The following FRMD3 variants were observed in gnomAD, a reference collection of about 807,000 sequenced individuals.
FRMD3 encodes FERM domain containing 3, also known as FERM domain-containing protein 3.
Under a neutral mutation model 70.2 loss-of-function variants are expected in FRMD3, and 33 were observed. The observed-to-expected ratio is 0.47, with a 90% CI of 0.36 to 0.63. The LOEUF (loss-of-function observed/expected upper bound fraction) is 0.63. FRMD3 is among the 20% of genes least tolerant of loss of function. The pLI is 0.00. For synonymous variants in FRMD3, 279 were observed against 255.9 expected, an observed-to-expected ratio of 1.09 and a Z score of -0.86; for missense variants, 632 against 711.4, an observed-to-expected ratio of 0.89 and a Z score of 1.27.
At chr9:83,343,568 G>A (rs1181382768) in intron 4 of FRMD3, among the ~76,000 whole-genome samples, 1 of 152,126 alleles carries the variant, frequency 6.6e-6, no homozygotes, top group Non-Finnish European at 1.5e-5. Context: ...AAAGCCACAG[G>A]ACCCAGTGGC....
At chr9:83,336,523 A>G (rs190126217) in intron 5 of FRMD3, among the ~76,000 whole-genome samples, 273 of 151,088 alleles carry the variant, frequency 1.8e-3, no homozygotes, top group African/African-American at 6.5e-3. Flanking sequence ...TGGCTTATTC[A>G]TTGAAAAATC....
chr9:83,527,612 G>A (rs997191202), intron 1 of FRMD3, among the ~76,000 whole-genome samples: 10 of 152,122 alleles, frequency 6.6e-5, no homozygotes, highest in Admixed American at 2.0e-4. Context: ...ACCTGGAAGC[G>A]TGCTAAGAAT....
chr9:83,381,379 A>G (rs1380893824), intron 2 of FRMD3, among the ~76,000 whole-genome samples: 1 of 152,018 alleles, frequency 6.6e-6, no homozygotes, highest in Admixed American at 6.6e-5. Context: ...ACAGGGTGAA[A>G]CCCTGTCTCT....
At chr9:83,290,820 TACAG>T in intron 12 of FRMD3, 93 bp from the exon 13 acceptor site, 12 of 1,325,788 alleles carry the variant, frequency 9.1e-6, no homozygotes, top group Non-Finnish European at 1.2e-5. Flanking sequence ...ATTTTGTGTC[TACAG>T]GGAACTACCT....
intron 4 of FRMD3, among the ~76,000 whole-genome samples, chr9:83,345,051 G>C (rs191194462): frequency 6.6e-6 from 1 of 152,148 alleles, no homozygotes; most frequent in African/African-American, 2.4e-5. Context: ...GAGCACTGGA[G>C]CTCACTGTTT....
intron 3 of FRMD3, among the ~76,000 whole-genome samples, chr9:83,364,329 C>G (rs998854519): frequency 1.3e-5 from 2 of 152,152 alleles, no homozygotes; most frequent in African/African-American, 4.8e-5. Flanking sequence ...GAGACTGAGG[C>G]GGGGGCGTCA....
At chr9:83,502,122 T>G (rs1162454504) in intron 1 of FRMD3, among the ~76,000 whole-genome samples, 2 of 152,158 alleles carry the variant, frequency 1.3e-5, no homozygotes, top group Non-Finnish European at 2.9e-5. Flanking sequence ...GACTGGGCAG[T>G]GCCAATTAGG....
intron 1 of FRMD3, among the ~76,000 whole-genome samples, chr9:83,425,861 C>A (rs1826789769): frequency 7.7e-6 from 1 of 129,250 alleles, no homozygotes; most frequent in Non-Finnish European, 1.6e-5. Context: ...GAGCCGAGAT[C>A]ATGCCACTGC....
the FRMD3 span, among the ~76,000 whole-genome samples, chr9:83,569,474 G>A: frequency 2.0e-5 from 3 of 152,342 alleles, no homozygotes; most frequent in Admixed American, 6.5e-5. Flanking sequence ...CCACAGAAAC[G>A]GGGACTTGCC....
At position 83,494,856 on chromosome 9, in the gene FRMD3, T is replaced by TGC. The variant is rs1447300185; in HGVS notation, c.147+43228_147+43229insGC. On this transcript the variant is annotated intron_variant, in intron 1 of 13. Transcript: ENST00000304195. ...TTATGTGTGTGTGTGTGTGTGTGTG[T>TGC]GTGCGCGCGCGCATGTGCGTGTGTA... 2.8e-4 allele frequency among the ~76,000 whole-genome samples: 42 copies of TGC among 147,980 alleles called. No homozygotes were observed. In the South Asian group the frequency reaches 6.3e-3, roughly 22 times the overall value.
chr9:83,331,852 C>T, intron 6 of FRMD3: 1 of 717,458 alleles, frequency 1.4e-6, no homozygotes, highest in East Asian at 2.7e-5. Context: ...CTCCTATTAC[C>T]TTCTGAACAC....
chr9:83,464,505 C>G (rs963177842), intron 1 of FRMD3, among the ~76,000 whole-genome samples: 22 of 152,156 alleles, frequency 1.4e-4, no homozygotes, highest in African/African-American at 5.1e-4. Context: ...CCAAAAGGTC[C>G]CGAATCACAG....
chr9:83,563,130 T>C, the FRMD3 span, among the ~76,000 whole-genome samples: 2 of 151,862 alleles, frequency 1.3e-5, no homozygotes, highest in Non-Finnish European at 2.9e-5. Context: ...TAGGATAGAG[T>C]CTTTTATGAC....
Position 83,525,017 on chromosome 9 carries a change from A to G in FRMD3, c.147+13068T>C, listed in dbSNP as rs181151778. 5.3e-4 allele frequency among the ~76,000 whole-genome samples: 81 copies of G among 152,144 alleles called. 1 individual carries two copies. Among genetic ancestry groups the G allele is most frequent in the Admixed American group, 7.8e-4 (12 of 15,292 alleles). ...TAATTAGGTGTTTGTCCTCTCTTCT[A>G]TTAATAAGGCTAATTAGTTACTGAT... On this transcript the variant is annotated intron_variant, in intron 1 of 13. Transcript: ENST00000304195.
intron 1 of FRMD3, among the ~76,000 whole-genome samples, chr9:83,507,449 C>T (rs543860675): frequency 1.3e-4 from 19 of 148,444 alleles, no homozygotes; most frequent in African/African-American, 4.5e-4. Context: ...GGGTGGATCA[C>T]AAGGTCAGGA....
At chr9:83,445,962 T>C (rs1244409029) in intron 1 of FRMD3, among the ~76,000 whole-genome samples, 1 of 152,230 alleles carries the variant, frequency 6.6e-6, no homozygotes, top group Non-Finnish European at 1.5e-5. Flanking sequence ...TCTTCAGATA[T>C]TATCTCATTT....
chr9:83,408,646 T>G (rs1826193914), intron 1 of FRMD3, among the ~76,000 whole-genome samples: 1 of 152,254 alleles, frequency 6.6e-6, no homozygotes, highest in Non-Finnish European at 1.5e-5. Flanking sequence ...TCTTCCAGCC[T>G]GGGTTTGGGA....
the FRMD3 span, among the ~76,000 whole-genome samples, chr9:83,561,797 A>G: frequency 6.6e-6 from 1 of 152,214 alleles, no homozygotes; most frequent in East Asian, 1.9e-4. Context: ...AAGAGCATGT[A>G]TATTTGCAAA....
intron 1 of FRMD3, among the ~76,000 whole-genome samples, chr9:83,431,315 T>C (rs1420100608): frequency 6.6e-6 from 1 of 152,244 alleles, no homozygotes; most frequent in Admixed American, 6.5e-5. Context: ...TTCCAAATGC[T>C]CATTATTCCC....
Sources: gnomAD v4.1 joint callset for allele counts (sites outside exome capture counted in the v4.1 genomes callset) on GRCh38, gnomAD v4.1.1 for gene constraint, MANE v1.5 for transcripts, NCBI Gene and HGNC (gene_info 2026-07-23, HGNC 2026-07-21) for gene names.